The following LRRC1 variants were observed in gnomAD, a reference collection of about 807,000 sequenced individuals.
The protein encoded by LRRC1 is leucine-rich repeat-containing protein 1.
A neutral mutation model predicts 69.9 loss-of-function variants in LRRC1; 28 were observed. That is an observed-to-expected ratio of 0.40 (90% CI 0.30 to 0.55). The LOEUF is 0.55. LRRC1 is among the 20% of genes least tolerant of loss of function. The pLI is 0.47. For missense variants in LRRC1, 498 were observed against 609.0 expected, an observed-to-expected ratio of 0.82 and a Z score of 1.92; for synonymous variants, 236 against 240.2, an observed-to-expected ratio of 0.98 and a Z score of 0.16.
chr6:53,821,295 G>A (rs1220096302), intron 1 of LRRC1, among the ~76,000 whole-genome samples: 4 of 152,074 alleles, frequency 2.6e-5, no homozygotes, highest in African/African-American at 9.7e-5. Context: ...ACTTTTCTGG[G>A]TCCTAGCATA....
chr6:53,839,674 C>G (rs1471400441), intron 1 of LRRC1, among the ~76,000 whole-genome samples: 2 of 152,038 alleles, frequency 1.3e-5, no homozygotes, highest in Non-Finnish European at 2.9e-5. Context: ...AGTTTCTTTC[C>G]CATTCTCTCA....
intron 2 of LRRC1, among the ~76,000 whole-genome samples, chr6:53,862,394 C>T (rs1363369444): frequency 6.6e-6 from 1 of 151,592 alleles, no homozygotes; most frequent in Non-Finnish European, 1.5e-5. Flanking sequence ...TTTTTTTCTG[C>T]ACATTATCCC....
At chr6:53,864,540 C>G (rs1255027559) in intron 2 of LRRC1, among the ~76,000 whole-genome samples, 1 of 152,144 alleles carries the variant, frequency 6.6e-6, no homozygotes, top group African/African-American at 2.4e-5. Flanking sequence ...CCTGCTCTTT[C>G]ACATGTCAGC....
chr6:53,820,851 G>C (rs1020543678), intron 1 of LRRC1, among the ~76,000 whole-genome samples: 2 of 152,098 alleles, frequency 1.3e-5, no homozygotes, highest in Non-Finnish European at 2.9e-5. Flanking sequence ...AAATGAAGCA[G>C]ATATGACTAA....
At chr6:53,840,918 G>GTC (rs1386553391) in intron 1 of LRRC1, among the ~76,000 whole-genome samples, 5 of 146,468 alleles carry the variant, frequency 3.4e-5, no homozygotes, top group Non-Finnish European at 7.5e-5. Context: ...GTGTGTGTGT[G>GTC]TGTGTGTGTG....
chr6:53,864,955 TA>T (rs1449741866), intron 2 of LRRC1, among the ~76,000 whole-genome samples: 2 of 152,070 alleles, frequency 1.3e-5, no homozygotes. Flanking sequence ...ATATTGTGCT[TA>T]AAAAATATAA....
chr6:53,860,611 A>G (rs1250233690), intron 2 of LRRC1, among the ~76,000 whole-genome samples: 1 of 152,156 alleles, frequency 6.6e-6, no homozygotes, highest in African/African-American at 2.4e-5. Flanking sequence ...TTTTATTTCA[A>G]AATGAGAAGG....
Position 53,842,238 on chromosome 6 carries a change from T to G in LRRC1, c.277+11T>G. On this transcript the variant is annotated intron_variant, in intron 2 of 13. Transcript: ENST00000370888. Reference sequence around the variant, plus strand: ...ATGTGTCTCGAAATGGTAAGAAAGATTCCACTTGGGTTGCCTATTTGTCTC... The same window carrying G: ...ATGTGTCTCGAAATGGTAAGAAAGAGTCCACTTGGGTTGCCTATTTGTCTC... The G allele has an allele frequency of 6.3e-7, 1 of 1,593,362 alleles. No homozygotes were observed. Among genetic ancestry groups the G allele is most frequent in the Non-Finnish European group, 8.6e-7 (1 of 1,162,052 alleles).
chr6:53,821,120 A>G (rs1160351805), intron 1 of LRRC1, among the ~76,000 whole-genome samples: 3 of 152,278 alleles, frequency 2.0e-5, no homozygotes, highest in East Asian at 3.9e-4. Context: ...CTTTATGCCT[A>G]TTGTAATATG....
intron 3 of LRRC1, among the ~76,000 whole-genome samples, chr6:53,879,520 G>A (rs375737096): frequency 7.2e-5 from 11 of 152,068 alleles, no homozygotes; most frequent in African/African-American, 2.4e-4. Context: ...TCCTGACCTC[G>A]TGATCCACCC....
intron 2 of LRRC1, among the ~76,000 whole-genome samples, chr6:53,850,025 T>C (rs1052584198): frequency 2.0e-5 from 3 of 151,700 alleles, no homozygotes; most frequent in African/African-American, 7.2e-5. Flanking sequence ...CTTTAAAAAA[T>C]GCTTACAGTT....
At chr6:53,871,728 C>T (rs1256194973) in intron 2 of LRRC1, among the ~76,000 whole-genome samples, 1 of 152,148 alleles carries the variant, frequency 6.6e-6, no homozygotes, top group Non-Finnish European at 1.5e-5. Context: ...GGTGCAGTAT[C>T]GTGATCTCAG....
intron 10 of LRRC1, chr6:53,905,447 A>G (rs1436519398): frequency 2.0e-5 from 3 of 151,824 alleles, no homozygotes; most frequent in Non-Finnish European, 4.4e-5. Context: ...TTTTTTTATC[A>G]GCAATAAAGC....
intron 8 of LRRC1, among the ~76,000 whole-genome samples, chr6:53,902,344 T>G (rs1768086645): frequency 6.6e-6 from 1 of 152,198 alleles, no homozygotes; most frequent in East Asian, 1.9e-4. Context: ...GAGAGAAAGC[T>G]GTTTTGTTTT....
At chr6:53,816,006 T>A (rs967021321) in intron 1 of LRRC1, among the ~76,000 whole-genome samples, 1 of 152,206 alleles carries the variant, frequency 6.6e-6, no homozygotes, top group South Asian at 2.1e-4. Context: ...TTTGTAACTT[T>A]TGAAGTGGAA....
chr6:53,866,125 A>G (rs1192365598), intron 2 of LRRC1, among the ~76,000 whole-genome samples: 2 of 152,100 alleles, frequency 1.3e-5, no homozygotes, highest in Non-Finnish European at 2.9e-5. Context: ...CCCAGGCCTT[A>G]CCAGTTGGTA....
chr6:53,911,765 C>G (rs1415301535), intron 10 of LRRC1, among the ~76,000 whole-genome samples: 1 of 152,164 alleles, frequency 6.6e-6, no homozygotes, highest in Non-Finnish European at 1.5e-5. Flanking sequence ...ATGAGTAGAT[C>G]TTTGTCAGGA....
chr6:53,807,375 G>A (rs990757902), intron 1 of LRRC1, among the ~76,000 whole-genome samples: 1 of 152,180 alleles, frequency 6.6e-6, no homozygotes, highest in African/African-American at 2.4e-5. Flanking sequence ...TGTCTGTATG[G>A]AGCTTCCATT....
At chr6:53,867,940 G>A (rs1436589575) in intron 2 of LRRC1, among the ~76,000 whole-genome samples, 1 of 148,354 alleles carries the variant, frequency 6.7e-6, no homozygotes, top group East Asian at 2.0e-4. Context: ...GCAACAAAAC[G>A]AGACCCTGTC....
Sources: gnomAD v4.1 joint callset for allele counts (sites outside exome capture counted in the v4.1 genomes callset) on GRCh38, gnomAD v4.1.1 for gene constraint, MANE v1.5 for transcripts, NCBI Gene and HGNC (gene_info 2026-07-23, HGNC 2026-07-21) for gene names.